Variants in SCN10A observed in about 807,000 individuals in gnomAD.
SCN10A encodes the protein sodium voltage-gated channel alpha subunit 10, also known as sodium channel protein type 10 subunit alpha.
In SCN10A, 162 loss-of-function variants were observed where a neutral mutation model predicts 170.7. That is an observed-to-expected ratio of 0.95 (90% CI 0.84 to 1.08). The LOEUF is 1.08. SCN10A is among the 50% of genes least tolerant of loss of function. The pLI is 0.00. For synonymous variants in SCN10A, 985 were observed against 904.6 expected (o/e 1.09, Z -1.59); for missense variants, 2,527 against 2,436.9 (o/e 1.04, Z -0.78).
chr3:38,698,423 G>A lies in SCN10A; in HGVS notation c.4797C>T (p.Ala1599=). 1 of 1,614,190 alleles carries A rather than the reference G, an allele frequency of 6.2e-7. No homozygotes were observed. The highest frequency in any genetic ancestry group is 8.5e-7 in the Non-Finnish European group (1 of 1,180,032). The change falls in exon 28 of 28, where the codon GCC becomes GCT. Residue 1599 remains alanine (A), a synonymous_variant. Coordinates refer to ENST00000449082, the MANE Select transcript of SCN10A (RefSeq NM_006514.4). The part of the protein sequence containing the change: ...AAKGIRTLLF[A]LMMSLPALFN... ...AGAGGGCAGGCAGGGACATCATGAG[G>A]GCAAAGAGCAGTGTGCGGATCCCCT...
rs1447191624 is a variant in SCN10A, at chr3:38,710,846, C to T, written c.4141G>A (p.Glu1381Lys). Residue 1381 changes from glutamate to lysine, a missense_variant and splice_region_variant, in exon 24 of 28, where the codon GAG becomes AAG. Coordinates refer to ENST00000449082, the MANE Select transcript of SCN10A (RefSeq NM_006514.4). Reference protein sequence around the residue: ...DIMYAAVDSREVNMQPKWEDN... With the variant: ...DIMYAAVDSRKVNMQPKWEDN... ...AGGGACAGTGGGCTGAGACTCACCT[C>T]CCGGGAATCAACAGCTGCATACATA... is the stretch of plus-strand genomic sequence containing the variant. 5 of 1,613,362 alleles carry T rather than the reference C, an allele frequency of 3.1e-6. No homozygotes were observed. Among genetic ancestry groups the T allele is most frequent in the Admixed American group, 1.7e-5 (1 of 59,930 alleles).
chr3:38,796,153 T>C (rs983307379), intron 1 of SCN10A, among the ~76,000 whole-genome samples: 3 of 152,148 alleles, frequency 2.0e-5, no homozygotes, highest in African/African-American at 7.2e-5. Flanking sequence ...CTCATAATTA[T>C]CTCCTCACTT....
At chr3:38,727,117 G>A (rs1167586395) in intron 16 of SCN10A, 65 bp from the exon 17 acceptor site, 19 of 1,483,290 alleles carry the variant, frequency 1.3e-5, no homozygotes, top group Non-Finnish European at 1.7e-5. Flanking sequence ...TTGGCCTACC[G>A]GGTTAGCAGC....
chr3:38,721,156 C>T (rs990598499), intron 20 of SCN10A, among the ~76,000 whole-genome samples: 8 of 152,198 alleles, frequency 5.3e-5, no homozygotes, highest in Admixed American at 1.3e-4. Context: ...GGCCATGCAC[C>T]GAGCAGTTTT....
At chr3:38,780,287 T>C (rs1225930037) in intron 4 of SCN10A, among the ~76,000 whole-genome samples, 1 of 152,078 alleles carries the variant, frequency 6.6e-6, no homozygotes, top group African/African-American at 2.4e-5. Flanking sequence ...GATATTAAAA[T>C]CATGGATCCT....
At chr3:38,754,098 C>A (rs2063777805) in intron 11 of SCN10A, among the ~76,000 whole-genome samples, 1 of 152,180 alleles carries the variant, frequency 6.6e-6, no homozygotes, top group Non-Finnish European at 1.5e-5. Context: ...TGGTGCCTCC[C>A]TGTCTTTGCA....
chr3:38,769,101 T>C (rs939318243), intron 5 of SCN10A, among the ~76,000 whole-genome samples: 1 of 152,146 alleles, frequency 6.6e-6, no homozygotes, highest in African/African-American at 2.4e-5. Context: ...TTTCCAGAAG[T>C]TGTGATTGTT....
intron 13 of SCN10A, among the ~76,000 whole-genome samples, chr3:38,747,568 G>GAAGCT (rs1559440482): frequency 1.3e-5 from 2 of 152,136 alleles, no homozygotes; most frequent in African/African-American, 4.8e-5. Context: ...AAAAGTTACT[G>GAAGCT]AAGCTCCAAG....
chr3:38,712,320 G>A lies in SCN10A; in HGVS notation c.3930C>T (p.Cys1310=). ...VNLFAGKFWR[C]INYTDGEFSL... ...AAAACTCTCCATCGGTATAGTTGAT[G>A]CACCTCCAAAACTTCCCTGCGAAGA... The change falls in exon 23 of 28, where the codon TGC becomes TGT. Residue 1310 remains cysteine (C), a synonymous_variant. Transcript: ENST00000449082. The A allele has an allele frequency of 1.2e-6, 2 of 1,614,198 alleles. No homozygotes were observed. Among genetic ancestry groups the A allele is most frequent in the Non-Finnish European group, 1.7e-6 (2 of 1,180,032 alleles).
intron 8 of SCN10A, among the ~76,000 whole-genome samples, chr3:38,759,643 C>A (rs949285874): frequency 1.3e-5 from 2 of 152,142 alleles, no homozygotes; most frequent in Non-Finnish European, 2.9e-5. Context: ...TTTGGCCCAA[C>A]AATATGTAGA....
At chr3:38,774,211 TC>T (rs879706455) in intron 4 of SCN10A, among the ~76,000 whole-genome samples, 2 of 152,032 alleles carry the variant, frequency 1.3e-5, no homozygotes, top group Non-Finnish European at 2.9e-5. Flanking sequence ...CTTGTTGGTT[TC>T]CCCCCCACAC....
At chr3:38,753,377 C>T (rs2063769828) in intron 11 of SCN10A, among the ~76,000 whole-genome samples, 1 of 152,226 alleles carries the variant, frequency 6.6e-6, no homozygotes, top group Non-Finnish European at 1.5e-5. Flanking sequence ...ACATTGACTT[C>T]ATACCAAACT....
Position 38,771,410 on chromosome 3 carries a change from G to C in SCN10A, c.471-3C>G, listed in dbSNP as rs2063998962. ...TGTAAATGACAGTGAAGACATATCT[G>C]GGAAGGAGGGTAGAAAAGGAGTGTC... On this transcript the variant is annotated splice_polypyrimidine_tract_variant and splice_region_variant and intron_variant, in intron 4 of 27. Coordinates refer to ENST00000449082, the MANE Select transcript of SCN10A (RefSeq NM_006514.4). 1.9e-6 allele frequency: 3 copies of C among 1,613,624 alleles called. No homozygotes were observed. Among genetic ancestry groups the C allele is most frequent in the Non-Finnish European group, 2.5e-6 (3 of 1,179,714 alleles).
At chr3:38,744,296 A>C (rs751344454) in intron 13 of SCN10A, among the ~76,000 whole-genome samples, 3 of 152,172 alleles carry the variant, frequency 2.0e-5, no homozygotes, top group Non-Finnish European at 2.9e-5. Context: ...TTGTCATTGC[A>C]TACACACTTG....
chr3:38,702,223 A>G, intron 26 of SCN10A, 114 bp from the exon 27 acceptor site: 1 of 1,141,966 alleles, frequency 8.8e-7, no homozygotes, highest in Non-Finnish European at 1.2e-6. Flanking sequence ...AACAGAAGCG[A>G]AATACTATCC....
chr3:38,791,527 T>C (rs575362555), intron 3 of SCN10A, among the ~76,000 whole-genome samples: 21 of 152,304 alleles, frequency 1.4e-4, no homozygotes, highest in Middle Eastern at 3.4e-3. Flanking sequence ...TGAGGTCCCA[T>C]TGAGACTATG....
intron 14 of SCN10A, 106 bp from the exon 15 acceptor site, chr3:38,739,794 T>C: frequency 2.0e-6 from 2 of 976,882 alleles, no homozygotes; most frequent in South Asian, 1.7e-5. Context: ...AAAATCCTTT[T>C]GTTTTGTTCA....
At chr3:38,804,081 C>T (rs1559472766) in intron 1 of SCN10A, among the ~76,000 whole-genome samples, 1 of 152,158 alleles carries the variant, frequency 6.6e-6, no homozygotes, top group East Asian at 1.9e-4. Context: ...CAGAATGGCA[C>T]TTTTGAAATA....
chr3:38,781,418 A>T (rs2064137317), intron 4 of SCN10A, among the ~76,000 whole-genome samples: 1 of 152,160 alleles, frequency 6.6e-6, no homozygotes, highest in South Asian at 2.1e-4. Flanking sequence ...ATTGGTCAAC[A>T]GAAAGGGCCC....
Sources: gnomAD v4.1 joint callset for allele counts (sites outside exome capture counted in the v4.1 genomes callset) on GRCh38, gnomAD v4.1.1 for gene constraint, MANE v1.5 for transcripts, NCBI Gene and HGNC (gene_info 2026-07-23, HGNC 2026-07-21) for gene names.